USP47: variants seen among roughly 807,000 people sequenced by gnomAD.
USP47 encodes the protein ubiquitin carboxyl-terminal hydrolase 47.
A neutral mutation model predicts 165.1 loss-of-function variants in USP47; 35 were observed. The ratio of observed to expected loss-of-function variants is 0.21; its 90% CI spans 0.16 to 0.28. The LOEUF is 0.28. Ranked by LOEUF, USP47 falls within the 10% of genes least tolerant of loss-of-function variation. USP47 has a pLI of 1.00. For missense variants in USP47, 1,277 were observed against 1,607.4 expected, an observed-to-expected ratio of 0.79 and a Z score of 3.52; for synonymous variants, 531 against 544.5, an observed-to-expected ratio of 0.98 and a Z score of 0.35.
In USP47 at chr11:11,924,346, A is replaced by G. The variant is rs760246524; in HGVS notation, c.1386+1455A>G. On this transcript the variant is annotated intron_variant, in intron 11 of 27. Transcript: ENST00000527733. ...TTTGTCATGGTGTGTGTTTCTTTTT[A>G]TACTTTGTTGATTTGATTTGCTAAT... 5.3e-5 allele frequency among the ~76,000 whole-genome samples: 8 copies of G among 151,918 alleles called. No individual in the cohort carries two copies. The East Asian group carries it at 1.5e-3, about 29-fold the overall frequency.
chr11:11,845,337 C>T (rs570957156), intron 1 of USP47, among the ~76,000 whole-genome samples: 1 of 152,208 alleles, frequency 6.6e-6, no homozygotes, highest in East Asian at 1.9e-4. Context: ...CCCCTCCTTC[C>T]TGTTCAAAAC....
intron 1 of USP47, among the ~76,000 whole-genome samples, chr11:11,865,751 G>A (rs1257887663): frequency 6.6e-6 from 1 of 151,718 alleles, no homozygotes; most frequent in Non-Finnish European, 1.5e-5. Flanking sequence ...ACTCTTTGTG[G>A]TTTCTGATTT....
intron 1 of USP47, among the ~76,000 whole-genome samples, chr11:11,855,155 A>G (rs186555149): frequency 1.8e-3 from 275 of 152,300 alleles, no homozygotes; most frequent in Non-Finnish European, 1.8e-3. Flanking sequence ...TATTAAAAGT[A>G]AAAGAAATTT....
At chr11:11,875,613 T>C (rs1850360281) in intron 1 of USP47, among the ~76,000 whole-genome samples, 1 of 152,238 alleles carries the variant, frequency 6.6e-6, no homozygotes, top group Admixed American at 6.5e-5. Flanking sequence ...TTTCTACTTT[T>C]TTTTTTCTTT....
In USP47 at chr11:11,860,103, A is replaced by G. The variant is rs544346668; in HGVS notation, c.39+17879A>G. 6.9e-3 allele frequency among the ~76,000 whole-genome samples: 1,040 copies of G among 150,372 alleles called. 10 individuals carry two copies. Among genetic ancestry groups the G allele is most frequent in the African/African-American group, 0.023 (945 of 41,006 alleles). On this transcript the variant is annotated intron_variant, in intron 1 of 27. Coordinates refer to ENST00000527733, the MANE Select transcript of USP47 (RefSeq NM_001282659.2). Reference sequence around the variant, plus strand: ...TGGGCAACAGAAGGAAAAAAAAAAAAGAAAAACTGAGTGGAGGATATATTT... The same window carrying G: ...TGGGCAACAGAAGGAAAAAAAAAAAGGAAAAACTGAGTGGAGGATATATTT...
In USP47 at chr11:11,877,858, TGC is replaced by T. The variant is rs879345922; in HGVS notation, c.40-2310_40-2309del. On this transcript the variant is annotated intron_variant, in intron 1 of 27. Transcript: ENST00000527733. ...GTGTGTGTGTGTGTGTGTGTGTGTG[TGC>T]GCGCGCGCAGATAAGATATTTGGAA... Among the ~76,000 whole-genome samples, 531 of 78,916 alleles carry T rather than the reference TGC, an allele frequency of 6.7e-3. 1 individual carries two copies. The highest frequency in any genetic ancestry group is 0.028 in the African/African-American group (499 of 17,892). The allele number at this position is 78,916 out of a possible 152,430, so 51.8% of individuals were successfully genotyped here. A position where few individuals can be genotyped will look rare whatever the true frequency, so the allele number is the denominator to read the frequency against.
intron 16 of USP47, among the ~76,000 whole-genome samples, chr11:11,934,816 A>G (rs1382024115): frequency 6.6e-6 from 1 of 152,110 alleles, no homozygotes; most frequent in Non-Finnish European, 1.5e-5. Flanking sequence ...TACTTAACAA[A>G]TATAAGTTTT....
intron 11 of USP47, among the ~76,000 whole-genome samples, chr11:11,929,026 C>T (rs951847362): frequency 6.6e-6 from 1 of 151,934 alleles, no homozygotes; most frequent in Admixed American, 6.6e-5. Flanking sequence ...TATTCCTCAG[C>T]TCTTTTGTAA....
intron 8 of USP47, among the ~76,000 whole-genome samples, chr11:11,907,158 C>G (rs1852627324): frequency 6.6e-6 from 1 of 152,026 alleles, no homozygotes; most frequent in African/African-American, 2.4e-5. Flanking sequence ...TATTAATAGA[C>G]AAAGTAATGG....
chr11:11,925,059 A>G (rs1034748299), intron 11 of USP47, among the ~76,000 whole-genome samples: 3 of 148,352 alleles, frequency 2.0e-5, no homozygotes, highest in Non-Finnish European at 4.5e-5. Flanking sequence ...ATGTCTTTCC[A>G]TTTATTTGTG....
chr11:11,855,841 G>C (rs1421686163), intron 1 of USP47, among the ~76,000 whole-genome samples: 1 of 152,150 alleles, frequency 6.6e-6, no homozygotes, highest in Non-Finnish European at 1.5e-5. Flanking sequence ...CTACTACAGA[G>C]AGATTCAAAG....
chr11:11,891,642 CAGT>C (rs956804187), intron 3 of USP47, among the ~76,000 whole-genome samples: 1 of 152,156 alleles, frequency 6.6e-6, no homozygotes, highest in African/African-American at 2.4e-5. Flanking sequence ...TTGTCAGAGA[CAGT>C]AGGAAACTAT....
At chr11:11,857,773 G>T (rs1849136851) in intron 1 of USP47, among the ~76,000 whole-genome samples, 1 of 152,216 alleles carries the variant, frequency 6.6e-6, no homozygotes, top group South Asian at 2.1e-4. Context: ...CTGGTTGGTT[G>T]CAGAAAGCAA....
chr11:11,942,221 C>T, intron 19 of USP47, 114 bp from the exon 20 acceptor site: 1 of 1,201,628 alleles, frequency 8.3e-7, no homozygotes, highest in Non-Finnish European at 1.1e-6. Flanking sequence ...ACTATATCAT[C>T]ACACATGTTA....
intron 11 of USP47, among the ~76,000 whole-genome samples, chr11:11,923,315 T>TA (rs1412718874): frequency 6.6e-6 from 1 of 151,860 alleles, no homozygotes; most frequent in Non-Finnish European, 1.5e-5. Context: ...CATTGATTTT[T>TA]AAAAGTCTGG....
At chr11:11,882,482 A>G (rs962655268) in intron 2 of USP47, among the ~76,000 whole-genome samples, 1 of 152,198 alleles carries the variant, frequency 6.6e-6, no homozygotes, top group African/African-American at 2.4e-5. Context: ...GAAATTAACC[A>G]GTAAAATTGG....
chr11:11,856,634 T>C (rs1400568243), intron 1 of USP47: 1 of 152,226 alleles, frequency 6.6e-6, no homozygotes, highest in Non-Finnish European at 1.5e-5. Flanking sequence ...TCTGGAAGTA[T>C]AGATCTGTTT....
intron 1 of USP47, among the ~76,000 whole-genome samples, chr11:11,858,268 C>A (rs936940931): frequency 6.6e-6 from 1 of 151,968 alleles, no homozygotes; most frequent in Non-Finnish European, 1.5e-5. Context: ...AATATTATAG[C>A]CCCTCCATTT....
At chr11:11,876,257 A>G (rs926644163) in intron 1 of USP47, among the ~76,000 whole-genome samples, 1 of 56,390 alleles carries the variant, frequency 1.8e-5, no homozygotes, top group African/African-American at 1.8e-4. Context: ...GGTTCATCAG[A>G]GAACTCTTGA....
Sources: gnomAD v4.1 joint callset for allele counts (sites outside exome capture counted in the v4.1 genomes callset) on GRCh38, gnomAD v4.1.1 for gene constraint, MANE v1.5 for transcripts, NCBI Gene and HGNC (gene_info 2026-07-23, HGNC 2026-07-21) for gene names.